MRPS27: variants seen among roughly 807,000 people sequenced by gnomAD.
MRPS27 encodes the protein mitochondrial ribosomal protein S27, also known as small ribosomal subunit protein mS27.
MRPS27 carries 43 observed loss-of-function variants against 48.9 expected under a neutral mutation model. The observed-to-expected ratio is 0.88, with a 90% CI of 0.69 to 1.13. The LOEUF is 1.13. Ranked by LOEUF, MRPS27 falls within the 50% of genes most tolerant of loss-of-function variation. The pLI, the probability that MRPS27 is intolerant of heterozygous loss-of-function variation, is 0.00. For missense variants in MRPS27, 467 were observed against 476.3 expected, an observed-to-expected ratio of 0.98 and a Z score of 0.18; for synonymous variants, 188 against 171.9, an observed-to-expected ratio of 1.09 and a Z score of -0.73.
intron 4 of MRPS27, among the ~76,000 whole-genome samples, chr5:72,284,247 TAA>T (rs1167998721): frequency 2.5e-4 from 27 of 109,720 alleles, no homozygotes; most frequent in Admixed American, 5.7e-4. Context: ...ACCCCATCTC[TAA>T]AAAAAAAAAA....
chr5:72,283,024 G>A (rs1316859514), intron 4 of MRPS27, among the ~76,000 whole-genome samples: 4 of 152,120 alleles, frequency 2.6e-5, no homozygotes, highest in African/African-American at 7.2e-5. Flanking sequence ...TGAGGCATCT[G>A]GTGATAAAAT....
intron 4 of MRPS27, among the ~76,000 whole-genome samples, chr5:72,251,599 C>T (rs577029454): frequency 6.6e-6 from 1 of 152,264 alleles, no homozygotes; most frequent in East Asian, 1.9e-4. Context: ...GGGTTTATAC[C>T]TTGAGCTTTG....
intron 4 of MRPS27, among the ~76,000 whole-genome samples, chr5:72,293,294 T>TA (rs77853796): frequency 1.7e-3 from 230 of 137,596 alleles, no homozygotes; most frequent in East Asian, 4.6e-3. Flanking sequence ...ATTTCTGTCT[T>TA]AAAAAAAAAA....
chr5:72,290,013 T>C (rs1749778614), intron 4 of MRPS27, among the ~76,000 whole-genome samples: 1 of 152,198 alleles, frequency 6.6e-6, no homozygotes, highest in South Asian at 2.1e-4. Context: ...ATTTTAGCAA[T>C]GCAGTAATCA....
chr5:72,308,066 T>G (rs1157624653), intron 2 of MRPS27: 1 of 152,004 alleles, frequency 6.6e-6, no homozygotes, highest in African/African-American at 2.4e-5. Context: ...CGGGGCGGCG[T>G]TCTGACGTTC....
chr5:72,301,897 C>G (rs1298758692), intron 2 of MRPS27, among the ~76,000 whole-genome samples: 1 of 152,224 alleles, frequency 6.6e-6, no homozygotes, highest in Non-Finnish European at 1.5e-5. Context: ...GCGCCACAGG[C>G]TTCTGGACTG....
chr5:72,248,815 A>G lies in MRPS27; in HGVS notation c.282-10687T>C, dbSNP rs571179819. ...GTTTGCTATTGTGATCCACAGACAC[A>G]GGGAGCATCTTCTGCATCCTAAAAA... On this transcript the variant is annotated intron_variant, in intron 4 of 10. Coordinates refer to ENST00000261413, the MANE Select transcript of MRPS27 (RefSeq NM_015084.3). Among the ~76,000 whole-genome samples, 5 of 152,326 alleles carry G rather than the reference A, an allele frequency of 3.3e-5. No homozygotes were observed. The South Asian group carries it at 6.2e-4, about 19-fold the overall frequency.
chr5:72,317,440 T>C (rs1005675606), intron 1 of MRPS27, among the ~76,000 whole-genome samples: 2 of 152,150 alleles, frequency 1.3e-5, no homozygotes, highest in Non-Finnish European at 2.9e-5. Context: ...AATGGCATGA[T>C]CTCAGCTCAC....
chr5:72,273,257 G>A (rs1389968370), intron 4 of MRPS27, among the ~76,000 whole-genome samples: 1 of 152,096 alleles, frequency 6.6e-6, no homozygotes, highest in Non-Finnish European at 1.5e-5. Context: ...CTGGGCCACT[G>A]GTCCGGGATT....
chr5:72,310,641 CAG>C (rs918485826), intron 2 of MRPS27, among the ~76,000 whole-genome samples: 2 of 152,318 alleles, frequency 1.3e-5, no homozygotes, highest in African/African-American at 4.8e-5. Flanking sequence ...GAGAAATTTT[CAG>C]AGTTGGAAAA....
chr5:72,228,380 T>C lies in MRPS27; in HGVS notation c.592-12A>G, dbSNP rs1288382605. 4 of 1,581,282 alleles carry C rather than the reference T, an allele frequency of 2.5e-6. No individual in the cohort carries two copies. The highest frequency in any genetic ancestry group is 3.5e-6 in the Non-Finnish European group (4 of 1,153,810). On this transcript the variant is annotated splice_polypyrimidine_tract_variant and intron_variant, in intron 7 of 10. Coordinates refer to ENST00000261413, the MANE Select transcript of MRPS27 (RefSeq NM_015084.3). ...CTCTCCTCTTCCCACTGCAACAGAATATACTGGATCATGATCCATCTAAGC... is the reference window on the plus strand; with the variant it reads ...CTCTCCTCTTCCCACTGCAACAGAACATACTGGATCATGATCCATCTAAGC...
In MRPS27 at chr5:72,220,780, G is replaced by T; in HGVS notation, c.*129C>A. On this transcript the variant is annotated 3_prime_UTR_variant, in exon 11 of 11. Transcript: ENST00000261413. ...GCAGTCATGGTGCCTTGCCATGTAG[G>T]GCACATAGCCTGCTTTAAGAAAAGA... is the stretch of plus-strand genomic sequence containing the variant. 7.5e-7 allele frequency: 1 copy of T among 1,336,990 alleles called. No homozygotes were observed. Among genetic ancestry groups the T allele is most frequent in the Non-Finnish European group, 1.0e-6 (1 of 972,296 alleles). The allele number at this position is 1,336,990 out of a possible 1,614,324, so 82.8% of individuals were successfully genotyped here.
intron 4 of MRPS27, chr5:72,241,556 T>C (rs1483750583): frequency 7.8e-7 from 1 of 1,285,478 alleles, no homozygotes; most frequent in African/African-American, 1.5e-5. Context: ...TGTTGGTGAC[T>C]TTTTAAGCAG....
At chr5:72,288,505 C>T (rs972423298) in intron 4 of MRPS27, among the ~76,000 whole-genome samples, 5 of 152,208 alleles carry the variant, frequency 3.3e-5, no homozygotes, top group African/African-American at 9.6e-5. Context: ...CCACTGCGCC[C>T]GGCCATGGAG....
At chr5:72,266,467 T>C (rs1749109588) in intron 4 of MRPS27, among the ~76,000 whole-genome samples, 1 of 152,244 alleles carries the variant, frequency 6.6e-6, no homozygotes, top group African/African-American at 2.4e-5. Context: ...ATGTGCTTTT[T>C]CATGCTCTAC....
chr5:72,260,803 T>A (rs1748943724), intron 4 of MRPS27, among the ~76,000 whole-genome samples: 1 of 152,214 alleles, frequency 6.6e-6, no homozygotes, highest in Non-Finnish European at 1.5e-5. Flanking sequence ...TGTTTCTGGG[T>A]CAACAAAATG....
intron 5 of MRPS27, among the ~76,000 whole-genome samples, chr5:72,236,923 CTTTTT>C (rs111411729): frequency 7.2e-6 from 1 of 139,758 alleles, no homozygotes. Flanking sequence ...TTCTTTTTTC[CTTTTT>C]TTTTTTTTTG....
At chr5:72,242,407 T>A (rs1748375763) in intron 4 of MRPS27, among the ~76,000 whole-genome samples, 1 of 135,080 alleles carries the variant, frequency 7.4e-6, no homozygotes, top group African/African-American at 2.9e-5. Flanking sequence ...GAAGAGAGGT[T>A]ATATAAAAGA....
chr5:72,286,118 C>T (rs143497004), intron 4 of MRPS27, among the ~76,000 whole-genome samples: 3 of 152,272 alleles, frequency 2.0e-5, no homozygotes, highest in East Asian at 1.9e-4. Context: ...ATATACTATA[C>T]ATTCAATATG....
Sources: gnomAD v4.1 joint callset for allele counts (sites outside exome capture counted in the v4.1 genomes callset) on GRCh38, gnomAD v4.1.1 for gene constraint, MANE v1.5 for transcripts, NCBI Gene and HGNC (gene_info 2026-07-23, HGNC 2026-07-21) for gene names.